Variants in GALNT13 observed in about 807,000 individuals in gnomAD.
GALNT13 encodes polypeptide N-acetylgalactosaminyltransferase 13, also known as UDP-GalNAc:polypeptide N-acetylgalactosaminyltransferase 13.
A neutral mutation model predicts 64.2 loss-of-function variants in GALNT13; 28 were observed. The observed-to-expected ratio is 0.44, with a 90% confidence interval of 0.32 to 0.60. The LOEUF is 0.60. GALNT13 is among the 20% of genes least tolerant of loss of function. The probability of loss-of-function intolerance (pLI) is 0.05; values close to 1 mark genes in which losing one functional copy is unlikely to be tolerated. For missense variants in GALNT13, 577 were observed against 669.8 expected, an observed-to-expected ratio of 0.86 and a Z score of 1.53; for synonymous variants, 214 against 224.6, an observed-to-expected ratio of 0.95 and a Z score of 0.42.
At chr2:153,428,503 A>G in the GALNT13 span, among the ~76,000 whole-genome samples, 26 of 152,296 alleles carry the variant, frequency 1.7e-4, no homozygotes, top group African/African-American at 6.0e-4. Context: ...CCCCACCTTC[A>G]ACACTGGGGA....
At chr2:154,060,360 A>G (rs1265042437) in intron 3 of GALNT13, among the ~76,000 whole-genome samples, 5 of 151,770 alleles carry the variant, frequency 3.3e-5, no homozygotes, top group African/African-American at 1.2e-4. Context: ...TTTTATATTT[A>G]TTTTTATGTT....
At chr2:154,115,501 A>G (rs1015887469) in intron 3 of GALNT13, among the ~76,000 whole-genome samples, 2 of 151,974 alleles carry the variant, frequency 1.3e-5, no homozygotes, top group Non-Finnish European at 2.9e-5. Flanking sequence ...GCTCACTGCA[A>G]CTTCTGCCTC....
At chr2:153,475,284 T>C in the GALNT13 span, among the ~76,000 whole-genome samples, 1 of 152,226 alleles carries the variant, frequency 6.6e-6, no homozygotes, top group Admixed American at 6.5e-5. Context: ...CTATGTGCAT[T>C]GCAGACTGTG....
At position 154,027,191 on chromosome 2, in the gene GALNT13, G is replaced by A. The variant is rs145046297; in HGVS notation, c.142+82552G>A. Among the ~76,000 whole-genome samples the A allele has an allele frequency of 3.2e-3, 491 of 152,170 alleles. 3 individuals carry two copies. Among genetic ancestry groups the A allele is most frequent in the African/African-American group, 0.011 (465 of 41,544 alleles). On this transcript the variant is annotated intron_variant, in intron 3 of 12. Transcript: ENST00000392825. ...CAATCTTTTGCTCTTGACAGCATATGGTATTGGGAATATTCACTCATTCCT... is the reference window on the plus strand; with the variant it reads ...CAATCTTTTGCTCTTGACAGCATATAGTATTGGGAATATTCACTCATTCCT...
chr2:153,133,602 T>G, the GALNT13 span, among the ~76,000 whole-genome samples: 1 of 152,182 alleles, frequency 6.6e-6, no homozygotes, highest in African/African-American at 2.4e-5. Flanking sequence ...GAAAGTCCTA[T>G]AACAGCTCTA....
chr2:154,380,237 G>A (rs1698203504), intron 9 of GALNT13, among the ~76,000 whole-genome samples: 1 of 151,886 alleles, frequency 6.6e-6, no homozygotes, highest in Non-Finnish European at 1.5e-5. Context: ...TTACCCAGGA[G>A]TAAAGCAACT....
chr2:153,862,026 A>G, the GALNT13 span, among the ~76,000 whole-genome samples: 2 of 152,310 alleles, frequency 1.3e-5, no homozygotes, highest in African/African-American at 4.8e-5. Context: ...TAATCCCAAA[A>G]GATAATATAA....
At chr2:153,302,348 C>A in the GALNT13 span, among the ~76,000 whole-genome samples, 1 of 151,904 alleles carries the variant, frequency 6.6e-6, no homozygotes, top group Admixed American at 6.6e-5. Context: ...ATTTGTATGT[C>A]TTCTTTTGAG....
intron 4 of GALNT13, among the ~76,000 whole-genome samples, chr2:154,208,505 C>T (rs1042449442): frequency 3.9e-5 from 6 of 151,958 alleles, no homozygotes; most frequent in Non-Finnish European, 8.8e-5. Flanking sequence ...ATCTGGAGCT[C>T]AGGTTGTTTC....
At chr2:153,970,209 G>C (rs1169224930) in intron 3 of GALNT13, among the ~76,000 whole-genome samples, 1 of 152,182 alleles carries the variant, frequency 6.6e-6, no homozygotes, top group African/African-American at 2.4e-5. Context: ...TTTTCACCAT[G>C]ACTTCATCAG....
the GALNT13 span, among the ~76,000 whole-genome samples, chr2:153,833,037 C>T: frequency 6.6e-6 from 1 of 152,044 alleles, no homozygotes; most frequent in African/African-American, 2.4e-5. Context: ...TTTAAGTTGC[C>T]CACCATTCTG....
At chr2:154,343,496 A>G (rs371427410) in intron 9 of GALNT13, among the ~76,000 whole-genome samples, 19 of 152,160 alleles carry the variant, frequency 1.2e-4, no homozygotes, top group Middle Eastern at 3.4e-3. Flanking sequence ...CTATTATACA[A>G]TAGAGTGCTA....
chr2:153,743,940 C>G, the GALNT13 span, among the ~76,000 whole-genome samples: 1 of 152,076 alleles, frequency 6.6e-6, no homozygotes, highest in South Asian at 2.1e-4. Flanking sequence ...CTTCCTGTGC[C>G]TGGCTTATTT....
At chr2:154,128,143 G>C (rs985907901) in intron 3 of GALNT13, among the ~76,000 whole-genome samples, 5 of 152,054 alleles carry the variant, frequency 3.3e-5, no homozygotes, top group Non-Finnish European at 7.4e-5. Context: ...GTGAGAAAGA[G>C]TATGTTCATT....
At chr2:154,382,096 A>T (rs746703465) in intron 9 of GALNT13, among the ~76,000 whole-genome samples, 1 of 152,108 alleles carries the variant, frequency 6.6e-6, no homozygotes, top group African/African-American at 2.4e-5. Context: ...AACAAACTAC[A>T]TTACACACAT....
At chr2:154,391,696 C>T (rs1381823613) in intron 9 of GALNT13, among the ~76,000 whole-genome samples, 1 of 152,138 alleles carries the variant, frequency 6.6e-6, no homozygotes, top group African/African-American at 2.4e-5. Flanking sequence ...TGTACTAAAC[C>T]TTTTCCAGGC....
the GALNT13 span, among the ~76,000 whole-genome samples, chr2:153,623,935 G>A: frequency 3.3e-5 from 5 of 152,044 alleles, no homozygotes; most frequent in African/African-American, 1.2e-4. Context: ...CTTAAATACC[G>A]AATTTTCTGC....
chr2:153,247,646 T>G, the GALNT13 span, among the ~76,000 whole-genome samples: 1 of 152,130 alleles, frequency 6.6e-6, no homozygotes, highest in South Asian at 2.1e-4. Context: ...AATATCACGA[T>G]TAAAATAACT....
chr2:153,618,568 C>T, the GALNT13 span, among the ~76,000 whole-genome samples: 2 of 151,744 alleles, frequency 1.3e-5, no homozygotes, highest in East Asian at 1.9e-4. Context: ...AAGTCCAATG[C>T]ATATTTGTTG....
Sources: allele counts gnomAD v4.1 joint callset (sites outside exome capture counted in the v4.1 genomes callset), GRCh38; gene constraint gnomAD v4.1.1; transcripts MANE v1.5; gene names NCBI Gene and HGNC (gene_info 2026-07-23, HGNC 2026-07-21).